Variants in MGAT4C observed in about 807,000 individuals in gnomAD.
MGAT4C encodes MGAT4 family member C, also known as alpha-1,3-mannosyl-glycoprotein 4-beta-N-acetylglucosaminyltransferase C.
A neutral mutation model predicts 40.1 loss-of-function variants in MGAT4C; 19 were observed. The observed-to-expected ratio is 0.47, with a 90% confidence interval of 0.33 to 0.70. The LOEUF (loss-of-function observed/expected upper bound fraction) is 0.70, where lower values mean the gene tolerates loss of function less well. Among genes scored for constraint, MGAT4C ranks in the 30% least tolerant of loss-of-function variants. The pLI, the probability that MGAT4C is intolerant of heterozygous loss-of-function variation, is 0.02. For missense variants in MGAT4C, 491 were observed against 563.2 expected, an observed-to-expected ratio of 0.87 and a Z score of 1.30; for synonymous variants, 181 against 187.1, an observed-to-expected ratio of 0.97 and a Z score of 0.27.
chr12:85,974,445 T>A lies in MGAT4C; in HGVS notation c.*4844A>T, dbSNP rs905425947. 1.3e-5 allele frequency: 2 copies of A among 150,510 alleles called. No individual in the cohort carries two copies. The highest frequency in any genetic ancestry group is 4.9e-5 in the African/African-American group (2 of 41,210). The allele number at this position is 150,510 out of a possible 1,614,324, so 9.3% of individuals were successfully genotyped here. A position where few individuals can be genotyped will look rare whatever the true frequency, so the allele number is the denominator to read the frequency against. On this transcript the variant is annotated 3_prime_UTR_variant, in exon 5 of 5. Transcript: ENST00000611864. ...CTTACACAACACATATACAAATACA[T>A]ACATGTATATATGTATATATATACA... is the stretch of plus-strand genomic sequence containing the variant.
intron 2 of MGAT4C, among the ~76,000 whole-genome samples, chr12:86,489,854 G>C (rs527647831): frequency 6.6e-6 from 1 of 152,162 alleles, no homozygotes; most frequent in Non-Finnish European, 1.5e-5. Flanking sequence ...GAAATGAAGC[G>C]AGAAGGGAAG....
chr12:86,477,334 T>G (rs1201886240), intron 2 of MGAT4C, among the ~76,000 whole-genome samples: 1 of 151,974 alleles, frequency 6.6e-6, no homozygotes, highest in Non-Finnish European at 1.5e-5. Flanking sequence ...TACCACATAT[T>G]CTCACTTATA....
chr12:86,484,921 G>C (rs1474394760), intron 2 of MGAT4C, among the ~76,000 whole-genome samples: 1 of 152,192 alleles, frequency 6.6e-6, no homozygotes, highest in South Asian at 2.1e-4. Flanking sequence ...CCACACAGCT[G>C]ATTTAGAGGC....
At position 85,959,469 on chromosome 12, in the gene MGAT4C, C is replaced by T. The variant is rs560775760; in HGVS notation, c.*19820G>A. The T allele has an allele frequency of 6.6e-6, 1 of 151,872 alleles. No homozygotes were observed. Among genetic ancestry groups the T allele is most frequent in the East Asian group, 1.9e-4 (1 of 5,166 alleles). 9.4% of individuals were successfully genotyped at this position (151,872 alleles called of 1,614,324 possible). On this transcript the variant is annotated 3_prime_UTR_variant, in exon 5 of 5. Transcript: ENST00000611864. ...TTTTTGCCATTTCTTCTCAGGAGCC[C>T]CTGCAATTTCAAACCTTGGAATTGA... is the stretch of plus-strand genomic sequence containing the variant.
At chr12:86,695,919 G>C (rs759287607) in intron 2 of MGAT4C, among the ~76,000 whole-genome samples, 59 of 152,140 alleles carry the variant, frequency 3.9e-4, no homozygotes, top group Admixed American at 3.2e-3. Flanking sequence ...TAAAATAGCT[G>C]AAAGAATATA....
intron 2 of MGAT4C, among the ~76,000 whole-genome samples, chr12:86,580,416 G>A (rs1475546719): frequency 1.3e-5 from 2 of 151,334 alleles, no homozygotes; most frequent in Non-Finnish European, 3.0e-5. Flanking sequence ...ATAGATTATA[G>A]TCTGGTTCAT....
chr12:86,615,882 G>C (rs1962431276), intron 2 of MGAT4C, among the ~76,000 whole-genome samples: 1 of 151,980 alleles, frequency 6.6e-6, no homozygotes, highest in Non-Finnish European at 1.5e-5. Flanking sequence ...CACAGCAAGA[G>C]AATCAATGAA....
At chr12:86,660,890 C>A (rs1237538142) in intron 2 of MGAT4C, among the ~76,000 whole-genome samples, 1 of 152,134 alleles carries the variant, frequency 6.6e-6, no homozygotes, top group East Asian at 1.9e-4. Flanking sequence ...AAAGCAATTT[C>A]TCATACAATG....
rs1185850073 is a variant in MGAT4C, at chr12:85,958,117, G to C, written c.*21172C>G. 6.6e-6 allele frequency: 1 copy of C among 151,942 alleles called. No individual in the cohort carries two copies. Among genetic ancestry groups the C allele is most frequent in the Non-Finnish European group, 1.5e-5 (1 of 68,176 alleles). 9.4% of individuals were successfully genotyped at this position (151,942 alleles called of 1,614,324 possible). A position where few individuals can be genotyped will look rare whatever the true frequency, so the allele number is the denominator to read the frequency against. On this transcript the variant is annotated 3_prime_UTR_variant, in exon 5 of 5. Transcript: ENST00000611864. Reference sequence around the variant, plus strand: ...GACAGAGTCTTGCTCTGTTGTCCAGGCTGGAGTGCAGTGGCATAATCTCTG... The same window carrying C: ...GACAGAGTCTTGCTCTGTTGTCCAGCCTGGAGTGCAGTGGCATAATCTCTG...
intron 3 of MGAT4C, among the ~76,000 whole-genome samples, chr12:85,987,553 A>G: frequency 6.6e-6 from 1 of 152,262 alleles, no homozygotes. Flanking sequence ...AAGTAGCTTT[A>G]GTAGAAGAGC....
chr12:86,333,967 A>T (rs1283895712), intron 4 of MGAT4C: 1 of 152,150 alleles, frequency 6.6e-6, no homozygotes, highest in Non-Finnish European at 1.5e-5. Flanking sequence ...CACTTAATCA[A>T]GACTATCTCA....
intron 3 of MGAT4C, among the ~76,000 whole-genome samples, chr12:86,337,529 T>G (rs1023259201): frequency 6.9e-6 from 1 of 144,148 alleles, no homozygotes; most frequent in African/African-American, 2.6e-5. Context: ...GAGATGGCAG[T>G]GAGCTGAGAT....
chr12:86,699,994 T>C lies in MGAT4C; in HGVS notation c.-229+27215A>G, dbSNP rs114778445. On this transcript the variant is annotated intron_variant, in intron 2 of 7. Transcript: ENST00000548651. ...AAAAGGATGTGTATAATTGGGCCTATGCAGTTCAAATCTATGTTGTTCAGG... is the reference window on the plus strand; with the variant it reads ...AAAAGGATGTGTATAATTGGGCCTACGCAGTTCAAATCTATGTTGTTCAGG... Among the ~76,000 whole-genome samples the C allele has an allele frequency of 4.9e-3, 734 of 151,028 alleles. 4 individuals are homozygous for C. Among genetic ancestry groups the C allele is most frequent in the African/African-American group, 0.017 (713 of 41,154 alleles).
chr12:86,344,717 GGTGT>G (rs71076188), intron 3 of MGAT4C, among the ~76,000 whole-genome samples: 9,946 of 139,354 alleles, frequency 0.071, 344 homozygotes, highest in African/African-American at 0.11. Flanking sequence ...ATCTCTTCTC[GGTGT>G]GTGTGTGTGT....
chr12:86,109,951 G>T (rs1374184157), intron 1 of MGAT4C, among the ~76,000 whole-genome samples: 2 of 151,694 alleles, frequency 1.3e-5, no homozygotes, highest in African/African-American at 4.8e-5. Flanking sequence ...CGTGGGAAAG[G>T]TGCCTGGAGA....
intron 4 of MGAT4C, among the ~76,000 whole-genome samples, chr12:86,333,687 G>T (rs1566296632): frequency 6.6e-6 from 1 of 152,166 alleles, no homozygotes; most frequent in East Asian, 1.9e-4. Context: ...AAGTATTTAG[G>T]CATATTAGTC....
At chr12:86,109,174 T>G (rs1369844561) in intron 1 of MGAT4C, among the ~76,000 whole-genome samples, 1 of 152,104 alleles carries the variant, frequency 6.6e-6, no homozygotes, top group African/African-American at 2.4e-5. Context: ...TTCAAAAAAT[T>G]TGTAATTAAT....
At chr12:86,050,810 C>T (rs9668634) in intron 1 of MGAT4C, among the ~76,000 whole-genome samples, 3,670 of 152,056 alleles carry the variant, frequency 0.024, 155 homozygotes, top group African/African-American at 0.084. Flanking sequence ...CATTTTGAAA[C>T]AGTAGTAGGT....
At chr12:86,771,297 A>C (rs1951630365) in intron 1 of MGAT4C, among the ~76,000 whole-genome samples, 1 of 152,154 alleles carries the variant, frequency 6.6e-6, no homozygotes, top group African/African-American at 2.4e-5. Context: ...TAGCCAAACT[A>C]ATACAGATTT....
Sources: gnomAD v4.1 joint callset for allele counts (sites outside exome capture counted in the v4.1 genomes callset) on GRCh38, gnomAD v4.1.1 for gene constraint, MANE v1.5 for transcripts, NCBI Gene and HGNC (gene_info 2026-07-23, HGNC 2026-07-21) for gene names.